Variants in GRM7 observed in about 807,000 individuals in gnomAD.
GRM7 encodes metabotropic glutamate receptor 7.
GRM7 carries 35 observed loss-of-function variants against 84.5 expected under a neutral mutation model. The observed-to-expected ratio is 0.41, with a 90% CI of 0.32 to 0.55. GRM7 has a LOEUF of 0.55. GRM7 is among the 20% of genes least tolerant of loss of function. The probability of loss-of-function intolerance (pLI) is 0.19; values close to 1 mark genes in which losing one functional copy is unlikely to be tolerated. For missense variants in GRM7, 1,003 were observed against 1,194.6 expected (o/e 0.84, Z 2.36); for synonymous variants, 487 against 455.1 (o/e 1.07, Z -0.89).
intron 4 of GRM7, among the ~76,000 whole-genome samples, chr3:7,350,932 G>A (rs528559971): frequency 2.8e-4 from 42 of 152,168 alleles, no homozygotes; most frequent in Admixed American, 2.0e-3. Context: ...CCAGAGGGGT[G>A]ATCTCTGAGG....
chr3:7,095,370 G>A (rs1230629657), intron 1 of GRM7, among the ~76,000 whole-genome samples: 1 of 151,968 alleles, frequency 6.6e-6, no homozygotes, highest in South Asian at 2.1e-4. Flanking sequence ...TCCCTCTTTG[G>A]AATGACTCAG....
chr3:7,572,527 C>A (rs1289027776), intron 7 of GRM7, among the ~76,000 whole-genome samples: 1 of 151,748 alleles, frequency 6.6e-6, no homozygotes. Flanking sequence ...TAAAAAAATT[C>A]TAATAATGCT....
At chr3:7,122,095 C>G (rs1388453854) in intron 1 of GRM7, among the ~76,000 whole-genome samples, 1 of 152,144 alleles carries the variant, frequency 6.6e-6, no homozygotes, top group African/African-American at 2.4e-5. Flanking sequence ...AATCTCTTTT[C>G]TTTATAAATT....
intron 2 of GRM7, among the ~76,000 whole-genome samples, chr3:7,184,867 T>C (rs1468047576): frequency 6.6e-6 from 1 of 152,206 alleles, no homozygotes; most frequent in Non-Finnish European, 1.5e-5. Flanking sequence ...ATGATTGTTG[T>C]TCTATGCTCA....
intron 5 of GRM7, among the ~76,000 whole-genome samples, chr3:7,416,676 C>T (rs1696172802): frequency 6.6e-6 from 1 of 152,132 alleles, no homozygotes; most frequent in Admixed American, 6.6e-5. Flanking sequence ...AGGTATCATT[C>T]AGTCAACTGG....
intron 4 of GRM7, among the ~76,000 whole-genome samples, chr3:7,414,215 G>T (rs2125178962): frequency 6.6e-6 from 1 of 152,158 alleles, no homozygotes; most frequent in African/African-American, 2.4e-5. Context: ...TTCTCCTATG[G>T]TTCTTGATCA....
intron 4 of GRM7, among the ~76,000 whole-genome samples, chr3:7,314,982 G>T (rs1390322812): frequency 6.6e-6 from 1 of 151,338 alleles, no homozygotes; most frequent in Non-Finnish European, 1.5e-5. Flanking sequence ...TACTATTTCT[G>T]CAAAGATTGT....
chr3:6,913,835 AG>A, intron 1 of GRM7, among the ~76,000 whole-genome samples: 1 of 152,292 alleles, frequency 6.6e-6, no homozygotes, highest in African/African-American at 2.4e-5. Context: ...AGAATGATAG[AG>A]TTCATAACTT....
intron 9 of GRM7, among the ~76,000 whole-genome samples, chr3:7,736,830 G>A (rs935565755): frequency 9.2e-5 from 14 of 152,108 alleles, no homozygotes; most frequent in African/African-American, 2.9e-4. Flanking sequence ...CTTCATGTAT[G>A]TTCTTATTCA....
At chr3:7,061,676 C>A (rs1396699755) in intron 1 of GRM7, among the ~76,000 whole-genome samples, 1 of 151,584 alleles carries the variant, frequency 6.6e-6, no homozygotes, top group African/African-American at 2.4e-5. Flanking sequence ...GACCTGGGTA[C>A]CAGATAGGAT....
At chr3:7,096,479 G>C (rs2125014592) in intron 1 of GRM7, among the ~76,000 whole-genome samples, 1 of 152,166 alleles carries the variant, frequency 6.6e-6, no homozygotes, top group South Asian at 2.1e-4. Flanking sequence ...AAGTCTAAGA[G>C]GGATCACAGA....
intron 2 of GRM7, among the ~76,000 whole-genome samples, chr3:7,266,936 G>A (rs1336577656): frequency 1.3e-5 from 2 of 152,170 alleles, no homozygotes; most frequent in African/African-American, 2.4e-5. Flanking sequence ...CTTCAGGGTT[G>A]GAAGGAGACC....
At chr3:7,266,966 C>G (rs933851616) in intron 2 of GRM7, among the ~76,000 whole-genome samples, 1 of 152,166 alleles carries the variant, frequency 6.6e-6, no homozygotes, top group Non-Finnish European at 1.5e-5. Context: ...CTTAAAGGGC[C>G]ATTTATCTTA....
At chr3:6,924,398 A>G (rs1697228714) in intron 1 of GRM7, among the ~76,000 whole-genome samples, 2 of 152,180 alleles carry the variant, frequency 1.3e-5, no homozygotes, top group South Asian at 4.1e-4. Flanking sequence ...AACTTTGGCT[A>G]TAGATGGAGA....
At chr3:7,263,062 A>G (rs956184709) in intron 2 of GRM7, among the ~76,000 whole-genome samples, 1 of 152,180 alleles carries the variant, frequency 6.6e-6, no homozygotes, top group Non-Finnish European at 1.5e-5. Flanking sequence ...TGATTTTCCA[A>G]CAAGGTTTGA....
intron 2 of GRM7, among the ~76,000 whole-genome samples, chr3:7,284,227 A>G (rs1171177263): frequency 6.6e-6 from 1 of 152,052 alleles, no homozygotes; most frequent in African/African-American, 2.4e-5. Flanking sequence ...GCTGATTACC[A>G]AAGTACCAGA....
intron 8 of GRM7, among the ~76,000 whole-genome samples, chr3:7,592,984 C>T (rs1288494121): frequency 6.6e-6 from 1 of 152,164 alleles, no homozygotes; most frequent in Non-Finnish European, 1.5e-5. Flanking sequence ...TAACCTCTTC[C>T]ATGGATAAGA....
chr3:7,731,824 C>A (rs1437608364), intron 9 of GRM7, among the ~76,000 whole-genome samples: 2 of 152,186 alleles, frequency 1.3e-5, no homozygotes, highest in Non-Finnish European at 2.9e-5. Flanking sequence ...CCAGCGCCCC[C>A]ACTCTTGTGG....
intron 4 of GRM7, among the ~76,000 whole-genome samples, chr3:7,336,133 A>G (rs1029537079): frequency 3.3e-5 from 5 of 152,120 alleles, no homozygotes; most frequent in Admixed American, 3.3e-4. Context: ...AGATAGATGC[A>G]AAAATTCTCA....
Sources: gnomAD v4.1 joint callset for allele counts (sites outside exome capture counted in the v4.1 genomes callset) on GRCh38, gnomAD v4.1.1 for gene constraint, MANE v1.5 for transcripts, NCBI Gene and HGNC (gene_info 2026-07-23, HGNC 2026-07-21) for gene names.